LARP1: variants seen among roughly 807,000 people sequenced by gnomAD.
LARP1 encodes the protein La ribonucleoprotein 1, translational regulator.
LARP1 carries 36 observed loss-of-function variants against 122.7 expected under a neutral mutation model. That is an observed-to-expected ratio of 0.29 (90% CI 0.22 to 0.39). LARP1 has a LOEUF of 0.39. Among genes scored for constraint, LARP1 ranks in the 10% least tolerant of loss-of-function variants. The pLI is 1.00. For missense variants in LARP1, 1,040 were observed against 1,403.6 expected (o/e 0.74, Z 4.14); for synonymous variants, 539 against 528.7 (o/e 1.02, Z -0.27).
intron 1 of LARP1, among the ~76,000 whole-genome samples, chr5:154,721,186 A>G (rs771026143): frequency 2.0e-5 from 3 of 151,940 alleles, no homozygotes; most frequent in Non-Finnish European, 2.9e-5. Flanking sequence ...CTAAAAATAT[A>G]TATTTTATAG....
At chr5:154,719,407 G>A (rs1195983344) in intron 1 of LARP1, among the ~76,000 whole-genome samples, 2 of 152,260 alleles carry the variant, frequency 1.3e-5, no homozygotes, top group South Asian at 2.1e-4. Context: ...GACAATCTGC[G>A]AAACCTATGG....
At position 154,797,221 on chromosome 5, in the gene LARP1, G is replaced by GTTTTTTTTTTTTTTTTTTT. The variant is rs1158010359; in HGVS notation, c.1377+1913_1377+1931dup. 1.7e-4 allele frequency among the ~76,000 whole-genome samples: 5 copies of GTTTTTTTTTTTTTTTTTTT among 29,748 alleles called. 2 individuals carry two copies. The highest frequency in any genetic ancestry group is 2.1e-4 in the African/African-American group (2 of 9,524). The allele number at this position is 29,748 out of a possible 152,430, so 19.5% of individuals were successfully genotyped here. ...GGAGTTATTCTGTTTTGTTGTTGTT[G>GTTTTTTTTTTTTTTTTTTT]TTTTTTTTTTTTTTTTTTTTTTTTT... On this transcript the variant is annotated intron_variant, in intron 8 of 18. Transcript: ENST00000518297.
chr5:154,685,699 C>G (rs1753900736), intron 1 of LARP1: 1 of 403,376 alleles, frequency 2.5e-6, no homozygotes, highest in Admixed American at 3.2e-5. Flanking sequence ...GGGTCGGGCA[C>G]AGTGGCTCGC....
At chr5:154,762,481 T>A (rs567885515) in intron 1 of LARP1, among the ~76,000 whole-genome samples, 18 of 152,210 alleles carry the variant, frequency 1.2e-4, no homozygotes, top group Non-Finnish European at 2.6e-4. Context: ...TAGCCTGGGA[T>A]GTCTTCCTGA....
At chr5:154,786,416 AT>A in intron 1 of LARP1, 2 of 455,486 alleles carry the variant, frequency 4.4e-6, no homozygotes, top group Non-Finnish European at 8.8e-6. Context: ...AATTACCAGA[AT>A]TAGTACTGGC....
chr5:154,780,042 G>C (rs1050306282), intron 1 of LARP1, among the ~76,000 whole-genome samples: 2 of 152,060 alleles, frequency 1.3e-5, no homozygotes, highest in African/African-American at 2.4e-5. Flanking sequence ...GGGAAGCAAG[G>C]CTGCCTGGCC....
chr5:154,699,107 T>C (rs1206211442), intron 1 of LARP1, among the ~76,000 whole-genome samples: 3 of 152,198 alleles, frequency 2.0e-5, no homozygotes, highest in Non-Finnish European at 4.4e-5. Context: ...TTGGCTAATC[T>C]TGAGTCATTT....
intron 1 of LARP1, among the ~76,000 whole-genome samples, chr5:154,770,175 A>T (rs960059958): frequency 1.3e-5 from 2 of 151,440 alleles, no homozygotes; most frequent in East Asian, 3.9e-4. Context: ...CTACTTCTGT[A>T]GTAGTCCAGG....
At chr5:154,806,810 G>T (rs889406625) in intron 15 of LARP1, among the ~76,000 whole-genome samples, 1 of 152,066 alleles carries the variant, frequency 6.6e-6, no homozygotes, top group Admixed American at 6.6e-5. Flanking sequence ...CAGCTTTATT[G>T]GGATATAATC....
intron 1 of LARP1, among the ~76,000 whole-genome samples, chr5:154,715,847 C>G (rs1268211581): frequency 6.6e-6 from 1 of 152,196 alleles, no homozygotes; most frequent in African/African-American, 2.4e-5. Flanking sequence ...GATGAGCTAA[C>G]AATTTTACTA....
intron 15 of LARP1, among the ~76,000 whole-genome samples, chr5:154,806,911 A>C (rs1758836457): frequency 6.6e-6 from 1 of 152,202 alleles, no homozygotes; most frequent in Admixed American, 6.5e-5. Flanking sequence ...TCAATTTTAG[A>C]ACATTTTCAT....
intron 16 of LARP1, among the ~76,000 whole-genome samples, chr5:154,810,183 C>T (rs1759143991): frequency 2.0e-5 from 3 of 151,834 alleles, no homozygotes; most frequent in Non-Finnish European, 2.9e-5. Context: ...CACCTGTAAT[C>T]CCAGCACTTT....
chr5:154,754,756 G>A (rs1364165548), upstream of LARP1, among the ~76,000 whole-genome samples: 1 of 152,178 alleles, frequency 6.6e-6, no homozygotes, highest in East Asian at 1.9e-4. Context: ...ACAACCCACT[G>A]AGGTGCGGAC....
At position 154,808,611 on chromosome 5, in the gene LARP1, G is replaced by C; in HGVS notation, c.2843+8G>C. 6.2e-7 allele frequency: 1 copy of C among 1,610,464 alleles called. No homozygotes were observed. The highest frequency in any genetic ancestry group is 8.5e-7 in the Non-Finnish European group (1 of 1,178,178). ...CGCCAAAGAAGGCTACAGGTGAGCA[G>C]GTTTGGGTGGGGGACTTTGGCTGGT... On this transcript the variant is annotated splice_region_variant and intron_variant, in intron 16 of 18. Transcript: ENST00000518297.
intron 1 of LARP1, among the ~76,000 whole-genome samples, chr5:154,735,763 G>GT (rs1554081550): frequency 6.7e-6 from 1 of 149,704 alleles, no homozygotes; most frequent in Non-Finnish European, 1.5e-5. Flanking sequence ...GTAGAGACAG[G>GT]TTTCGCCATG....
At chr5:154,795,823 T>A (rs979243176) in intron 8 of LARP1, among the ~76,000 whole-genome samples, 2 of 134,348 alleles carry the variant, frequency 1.5e-5, no homozygotes, top group Non-Finnish European at 3.1e-5. Context: ...ATATATATAT[T>A]TATATATATA....
chr5:154,754,968 G>A (rs1052378099), upstream of LARP1, among the ~76,000 whole-genome samples: 1 of 152,208 alleles, frequency 6.6e-6, no homozygotes, highest in Non-Finnish European at 1.5e-5. Flanking sequence ...GGCAGGCCGC[G>A]TGGCCGGGTC....
intron 3 of LARP1, among the ~76,000 whole-genome samples, chr5:154,790,928 CT>C (rs1757289093): frequency 6.6e-6 from 1 of 151,672 alleles, no homozygotes; most frequent in East Asian, 1.9e-4. Context: ...AGTGATTCTC[CT>C]CCCCCAGCCT....
chr5:154,758,845 A>T (rs58415346), intron 1 of LARP1, among the ~76,000 whole-genome samples: 24,414 of 152,096 alleles, frequency 0.16, 2,503 homozygotes, highest in African/African-American at 0.29. Context: ...TGATATCTCT[A>T]CTTTCTTGTG....
Sources: allele counts gnomAD v4.1 joint callset (sites outside exome capture counted in the v4.1 genomes callset), GRCh38; gene constraint gnomAD v4.1.1; transcripts MANE v1.5; gene names NCBI Gene and HGNC (gene_info 2026-07-23, HGNC 2026-07-21).